Variants in AVIL observed in about 807,000 individuals in gnomAD.
AVIL encodes advillin.
In AVIL, 78 loss-of-function variants were observed where a neutral mutation model predicts 109.9. That is an observed-to-expected ratio of 0.71 (90% CI 0.59 to 0.86). The LOEUF (loss-of-function observed/expected upper bound fraction) is 0.86. Ranked by LOEUF, AVIL falls within the 40% of genes least tolerant of loss-of-function variation. The probability of loss-of-function intolerance (pLI) is 0.00; values close to 1 mark genes in which losing one functional copy is unlikely to be tolerated. For synonymous variants in AVIL, 367 were observed against 379.1 expected, an observed-to-expected ratio of 0.97 and a Z score of 0.37; for missense variants, 892 against 1,016.5, an observed-to-expected ratio of 0.88 and a Z score of 1.67.
At chr12:57,815,658 C>T in intron 2 of AVIL, 1 of 1,347,494 alleles carries the variant, frequency 7.4e-7, no homozygotes, top group Non-Finnish European at 9.7e-7. Context: ...CAGGAGTCTG[C>T]TGAGTAGGTC....
chr12:57,805,983 T>G, intron 14 of AVIL: 1 of 210,636 alleles, frequency 4.7e-6, no homozygotes, highest in Non-Finnish European at 9.7e-6. Context: ...ACTATGGGCG[T>G]GTGCCACCAT....
At chr12:57,810,293 G>C in intron 7 of AVIL, 56 bp downstream of exon 7, 1 of 1,586,252 alleles carries the variant, frequency 6.3e-7, no homozygotes, top group African/African-American at 1.3e-5. Context: ...TGGTGTTCTA[G>C]GGGACACCTT....
intron 16 of AVIL, chr12:57,802,683 T>G (rs1240978696): frequency 9.6e-6 from 6 of 626,870 alleles, no homozygotes; most frequent in Non-Finnish European, 1.7e-5. Flanking sequence ...TCTTCTTTAC[T>G]AAACTTGTAT....
chr12:57,797,978 C>T lies in AVIL; in HGVS notation c.2364G>A (p.Gln788=). Residue 788 remains glutamine (Q), a synonymous_variant, in exon 20 of 20, where the codon CAG becomes CAA. Transcript: ENST00000549994. The part of the protein sequence containing the change: ...PAKKENYLSE[Q]DFVSVFGITR... ...TGATGCCAAACACAGACACAAAGTCCTGTTCAGAGAGGTAATTCTAAGAGA... is the reference window on the plus strand; with the variant it reads ...TGATGCCAAACACAGACACAAAGTCTTGTTCAGAGAGGTAATTCTAAGAGA... 1.2e-6 allele frequency: 2 copies of T among 1,611,386 alleles called. No homozygotes were observed. Among genetic ancestry groups the T allele is most frequent in the Non-Finnish European group, 1.7e-6 (2 of 1,178,560 alleles).
At chr12:57,810,652 G>A in intron 6 of AVIL, 101 bp from the exon 7 acceptor site, 1 of 1,422,048 alleles carries the variant, frequency 7.0e-7, no homozygotes, top group Non-Finnish European at 9.7e-7. Context: ...GGAGTTACTT[G>A]GATGCTGAGG....
At chr12:57,815,795 C>T in intron 2 of AVIL, 180 bp downstream of exon 2, 1 of 1,482,382 alleles carries the variant, frequency 6.7e-7, no homozygotes, top group Non-Finnish European at 8.9e-7. Flanking sequence ...ACCTGCCAAC[C>T]ACCTGCTTTG....
intron 7 of AVIL, 72 bp from the exon 8 acceptor site, chr12:57,809,962 T>A: frequency 6.5e-7 from 1 of 1,532,956 alleles, no homozygotes; most frequent in Non-Finnish European, 9.0e-7. Context: ...GATGTTGTTC[T>A]GGTTTGGTTT....
At chr12:57,816,355 T>C in intron 1 of AVIL, 1 of 270,424 alleles carries the variant, frequency 3.7e-6, no homozygotes. Context: ...TGTTAAGCCC[T>C]GTATTGATTC....
intron 17 of AVIL, among the ~76,000 whole-genome samples, chr12:57,801,617 A>G (rs926605700): frequency 2.6e-5 from 4 of 152,028 alleles, no homozygotes; most frequent in African/African-American, 9.7e-5. Flanking sequence ...GTGCATGCCT[A>G]TAATCCCAGC....
At chr12:57,805,852 T>TTTTTTA (rs1955935543) in intron 14 of AVIL, 1 of 146,778 alleles carries the variant, frequency 6.8e-6, no homozygotes, top group South Asian at 2.2e-4. Flanking sequence ...TTTTTTTTTT[T>TTTTTTA]TTTGAGACGG....
chr12:57,801,740 CAAAAAAAG>C (rs1049867400), intron 17 of AVIL, among the ~76,000 whole-genome samples: 1 of 150,370 alleles, frequency 6.7e-6, no homozygotes, highest in African/African-American at 2.4e-5. Context: ...AATTCTGTCT[CAAAAAAAG>C]AAAAAAAAAA....
intron 4 of AVIL, 50 bp downstream of exon 4, chr12:57,813,177 C>A (rs771310001): frequency 2.1e-5 from 33 of 1,539,652 alleles, no homozygotes; most frequent in Non-Finnish European, 2.8e-5. Context: ...TTTGGGTTTC[C>A]TCCTCTGTAA....
Position 57,810,846 on chromosome 12 carries a change from G to GC in AVIL, c.527dup (p.Glu178ArgfsTer27). On this transcript the variant is annotated frameshift_variant, in exon 6 of 20. Coordinates refer to ENST00000549994, the MANE Select transcript of AVIL (RefSeq NM_006576.4). LOFTEE classifies it high-confidence loss of function. ...GGCGCTCCCCACTGTTGCTCTCTGG[G>GC]CCATTCCATTGGATGATGACTTTCC... 6.2e-7 allele frequency: 1 copy of GC among 1,614,192 alleles called. No homozygotes were observed. The highest frequency in any genetic ancestry group is 8.5e-7 in the Non-Finnish European group (1 of 1,180,030).
chr12:57,813,984 A>G (rs1448714782), intron 3 of AVIL, among the ~76,000 whole-genome samples, 168 bp downstream of exon 3: 3 of 152,108 alleles, frequency 2.0e-5, no homozygotes, highest in African/African-American at 7.2e-5. Flanking sequence ...CCCAGGCTTA[A>G]TGATGGCCTT....
rs755293608 is a variant in AVIL at position 57,806,529 on chromosome 12, G to A, written c.1502C>T (p.Ser501Phe). 23 of 1,613,952 alleles carry A rather than the reference G, an allele frequency of 1.4e-5. No individual in the cohort carries two copies. In the South Asian group the frequency reaches 2.1e-4, roughly 15 times the overall value. ...GTCAGGCTCGGCATTTCCCTTCCTG[G>A]AAGTCCCACCCTAGAGAGAAGAAAA... is the stretch of plus-strand genomic sequence containing the variant. ...GKLVIFEGGTSRKGNAEPDPP... is the reference protein window; with the variant it reads ...GKLVIFEGGTFRKGNAEPDPP... Residue 501 changes from serine to phenylalanine, a missense_variant, in exon 14 of 20, where the codon TCC (serine) becomes TTC (phenylalanine). Physicochemically the swap from Ser to Phe is radical, Grantham distance 155 (BLOSUM62 -2). Coordinates refer to ENST00000549994, the MANE Select transcript of AVIL (RefSeq NM_006576.4).
At chr12:57,801,828 T>C (rs1224341952) in intron 17 of AVIL, among the ~76,000 whole-genome samples, 8 of 152,218 alleles carry the variant, frequency 5.3e-5, no homozygotes, top group Admixed American at 5.2e-4. Flanking sequence ...ACTTATCCTC[T>C]TAGCTTCCTT....
intron 14 of AVIL, 171 bp from the exon 15 acceptor site, chr12:57,803,840 A>G (rs1250866095): frequency 2.8e-5 from 25 of 902,680 alleles, no homozygotes; most frequent in Non-Finnish European, 3.9e-5. Flanking sequence ...GTGGGGAGGA[A>G]AACAGTGTGG....
intron 18 of AVIL, chr12:57,800,480 T>C (rs1324881541): frequency 6.5e-6 from 1 of 153,062 alleles, no homozygotes; most frequent in Non-Finnish European, 1.5e-5. Flanking sequence ...CCTAAGTTTC[T>C]GTGGACTTCA....
At chr12:57,801,607 G>A (rs970998219) in intron 17 of AVIL, among the ~76,000 whole-genome samples, 2 of 152,164 alleles carry the variant, frequency 1.3e-5, no homozygotes, top group African/African-American at 4.8e-5. Flanking sequence ...GGGCATGGTG[G>A]TGCATGCCTA....
Sources: gnomAD v4.1 joint callset for allele counts (sites outside exome capture counted in the v4.1 genomes callset) on GRCh38, gnomAD v4.1.1 for gene constraint, MANE v1.5 for transcripts, NCBI Gene and HGNC (gene_info 2026-07-23, HGNC 2026-07-21) for gene names.